MAGI1: variants seen among roughly 807,000 people sequenced by gnomAD.
MAGI1 encodes membrane-associated guanylate kinase, WW and PDZ domain-containing protein 1.
A neutral mutation model predicts 139.9 loss-of-function variants in MAGI1; 58 were observed. The ratio of observed to expected loss-of-function variants is 0.41; its 90% CI spans 0.34 to 0.52. The LOEUF (loss-of-function observed/expected upper bound fraction) is 0.52. Ranked by LOEUF, MAGI1 falls within the 20% of genes least tolerant of loss-of-function variation. The pLI is 0.12. For synonymous variants in MAGI1, 812 were observed against 737.9 expected (o/e 1.10, Z -1.63); for missense variants, 1,874 against 1,901.6 (o/e 0.99, Z 0.27).
At chr3:65,429,425 T>C in intron 12 of MAGI1, 95 bp downstream of exon 12, 11 of 1,289,522 alleles carry the variant, frequency 8.5e-6, no homozygotes, top group Non-Finnish European at 1.2e-5. Context: ...TTTAAATAAA[T>C]TTAAAAAGCC....
At chr3:65,504,830 C>A (rs1357414340) in intron 2 of MAGI1, among the ~76,000 whole-genome samples, 1 of 152,172 alleles carries the variant, frequency 6.6e-6, no homozygotes, top group Non-Finnish European at 1.5e-5. Flanking sequence ...TGAACATGAA[C>A]ATTAACCATT....
At chr3:65,593,520 A>G (rs2082056725) in intron 2 of MAGI1, among the ~76,000 whole-genome samples, 2 of 152,210 alleles carry the variant, frequency 1.3e-5, no homozygotes, top group African/African-American at 2.4e-5. Context: ...AGGATAAACT[A>G]TCTGGTTGGT....
intron 12 of MAGI1, among the ~76,000 whole-genome samples, chr3:65,406,139 A>C (rs1447341271): frequency 6.6e-6 from 1 of 152,092 alleles, no homozygotes; most frequent in South Asian, 2.1e-4. Context: ...ACTTTTCCCC[A>C]AAATGAATGC....
intron 1 of MAGI1, among the ~76,000 whole-genome samples, chr3:66,008,534 C>G (rs553416561): frequency 1.3e-5 from 2 of 152,284 alleles, no homozygotes; most frequent in East Asian, 3.9e-4. Flanking sequence ...ACCCATACAA[C>G]CACAAACGCA....
chr3:65,913,244 A>G (rs2061747826), intron 1 of MAGI1, among the ~76,000 whole-genome samples: 1 of 152,174 alleles, frequency 6.6e-6, no homozygotes, highest in South Asian at 2.1e-4. Context: ...AGCCTGAGCA[A>G]CAGAGCAAGA....
chr3:65,889,406 C>A (rs570907243), intron 1 of MAGI1, among the ~76,000 whole-genome samples: 1 of 152,152 alleles, frequency 6.6e-6, no homozygotes, highest in East Asian at 1.9e-4. Flanking sequence ...CTGGGCTTAG[C>A]GACACACTCA....
At chr3:65,502,342 C>A (rs1046309078) in intron 2 of MAGI1, among the ~76,000 whole-genome samples, 1 of 152,168 alleles carries the variant, frequency 6.6e-6, no homozygotes, top group African/African-American at 2.4e-5. Context: ...GATTGACAAA[C>A]ATTAGAAATA....
chr3:65,561,111 A>C (rs546067752), intron 2 of MAGI1, among the ~76,000 whole-genome samples: 2 of 152,306 alleles, frequency 1.3e-5, no homozygotes, highest in South Asian at 4.1e-4. Context: ...GTTTTTGTCA[A>C]GACTTTGTAC....
intron 1 of MAGI1, among the ~76,000 whole-genome samples, chr3:65,840,457 G>T (rs1186483137): frequency 6.6e-6 from 1 of 152,132 alleles, no homozygotes; most frequent in East Asian, 1.9e-4. Flanking sequence ...TTTCCTGAGA[G>T]ATTTTATCAT....
chr3:65,727,230 C>T (rs6445500), intron 1 of MAGI1, among the ~76,000 whole-genome samples: 51,203 of 152,062 alleles, frequency 0.34, 9,744 homozygotes, highest in African/African-American at 0.49. Flanking sequence ...AACAACTTAT[C>T]TGACAGCACA....
chr3:65,611,193 A>ACACACACG (rs1384484207), intron 2 of MAGI1, among the ~76,000 whole-genome samples: 1 of 141,652 alleles, frequency 7.1e-6, no homozygotes, highest in Non-Finnish European at 1.5e-5. Context: ...CATATGGTAT[A>ACACACACG]TATGTGTGTA....
chr3:65,959,483 C>T (rs1018027417), intron 1 of MAGI1, among the ~76,000 whole-genome samples: 2 of 151,804 alleles, frequency 1.3e-5, no homozygotes, highest in African/African-American at 4.8e-5. Context: ...GAGACAGGGT[C>T]TGGAGTGCAG....
chr3:65,457,382 A>T (rs1379337006), intron 5 of MAGI1, among the ~76,000 whole-genome samples: 8 of 152,038 alleles, frequency 5.3e-5, no homozygotes, highest in Non-Finnish European at 1.2e-4. Flanking sequence ...CTGTCTAACC[A>T]CTCAAAGACA....
chr3:65,796,484 T>C (rs2040157498), intron 1 of MAGI1, among the ~76,000 whole-genome samples: 1 of 152,182 alleles, frequency 6.6e-6, no homozygotes, highest in Admixed American at 6.5e-5. Context: ...TCTTTTCTGC[T>C]GGGCTTTTGG....
At chr3:65,526,771 A>C (rs1032319010) in intron 2 of MAGI1, among the ~76,000 whole-genome samples, 2 of 152,150 alleles carry the variant, frequency 1.3e-5, no homozygotes, top group Non-Finnish European at 2.9e-5. Flanking sequence ...GCATTCCCTC[A>C]ACTGACATTG....
At chr3:65,739,414 A>G (rs186423128) in intron 1 of MAGI1, among the ~76,000 whole-genome samples, 1 of 152,298 alleles carries the variant, frequency 6.6e-6, no homozygotes, top group East Asian at 1.9e-4. Flanking sequence ...AGCAATAAGG[A>G]TGTTGCACTT....
At chr3:65,684,167 CA>C (rs1163089641) in intron 1 of MAGI1, among the ~76,000 whole-genome samples, 31,345 of 79,572 alleles carry the variant, frequency 0.39, 3,161 homozygotes, top group Non-Finnish European at 0.45. Flanking sequence ...GAGACTGTCT[CA>C]AAAAAAAAAA....
At chr3:65,877,432 A>G (rs190542) in intron 1 of MAGI1, among the ~76,000 whole-genome samples, 53,618 of 151,948 alleles carry the variant, frequency 0.35, 12,016 homozygotes, top group African/African-American at 0.64. Context: ...GCTCTCAAAC[A>G]CCCACAGATA....
chr3:65,871,603 A>T (rs190253827), intron 1 of MAGI1, among the ~76,000 whole-genome samples: 1 of 152,366 alleles, frequency 6.6e-6, no homozygotes, highest in Non-Finnish European at 1.5e-5. Flanking sequence ...ACAGCTGGAA[A>T]CACAGCAGGT....
Sources: gnomAD v4.1 joint callset for allele counts (sites outside exome capture counted in the v4.1 genomes callset) on GRCh38, gnomAD v4.1.1 for gene constraint, MANE v1.5 for transcripts, NCBI Gene and HGNC (gene_info 2026-07-23, HGNC 2026-07-21) for gene names.